The following PCID2 variants were observed in gnomAD, a reference collection of about 807,000 sequenced individuals.
PCID2 encodes PCI domain-containing protein 2.
Under a neutral mutation model 61.3 loss-of-function variants are expected in PCID2, and 41 were observed. The ratio of observed to expected loss-of-function variants is 0.67; its 90% CI spans 0.52 to 0.87. The LOEUF (loss-of-function observed/expected upper bound fraction) is 0.87, where lower values mean the gene tolerates loss of function less well. Among genes scored for constraint, PCID2 ranks in the 40% least tolerant of loss-of-function variants. The pLI, the probability that PCID2 is intolerant of heterozygous loss-of-function variation, is 0.00. For synonymous variants in PCID2, 187 were observed against 177.8 expected, an observed-to-expected ratio of 1.05 and a Z score of -0.41; for missense variants, 392 against 493.4, an observed-to-expected ratio of 0.79 and a Z score of 1.95.
intron 7 of PCID2, chr13:113,185,954 G>C (rs2038071418): frequency 6.0e-6 from 1 of 165,800 alleles, no homozygotes; most frequent in Non-Finnish European, 1.3e-5. Flanking sequence ...AGGAGGCTGA[G>C]GCAGGAGAAT....
At chr13:113,176,538 A>AATTGCCCCGG, downstream of PCID2, among the ~76,000 whole-genome samples, 4 of 50,748 alleles carry the variant, frequency 7.9e-5, no homozygotes, top group South Asian at 4.9e-4. Flanking sequence ...GAGGTGGGGG[A>AATTGCCCCGG]ATTGCTTTAG....
At chr13:113,169,156 G>A in the PCID2 span, among the ~76,000 whole-genome samples, 4 of 152,156 alleles carry the variant, frequency 2.6e-5, no homozygotes, top group African/African-American at 7.2e-5. Flanking sequence ...AAAAATCTCC[G>A]TTCTCTCCGT....
intron 9 of PCID2, among the ~76,000 whole-genome samples, chr13:113,183,073 A>G (rs1047944019): frequency 6.6e-6 from 1 of 152,208 alleles, no homozygotes; most frequent in African/African-American, 2.4e-5. Context: ...AGGAATTCCT[A>G]GCAGTAAAAT....
At chr13:113,185,727 A>G (rs2038051436) in intron 7 of PCID2, 167 bp from the exon 8 acceptor site, 1 of 489,464 alleles carries the variant, frequency 2.0e-6, no homozygotes, top group Non-Finnish European at 3.6e-6. Flanking sequence ...ACAAAATAAC[A>G]TTATGAAAAA....
chr13:113,197,098 A>G, intron 4 of PCID2, 80 bp downstream of exon 4: 1 of 1,614,232 alleles, frequency 6.2e-7, no homozygotes, highest in South Asian at 1.1e-5. Flanking sequence ...CAACTGGCCC[A>G]GTGTTTCCGG....
At chr13:113,174,500 T>A (rs1339610196), downstream of PCID2, among the ~76,000 whole-genome samples, 1 of 152,156 alleles carries the variant, frequency 6.6e-6, no homozygotes, top group African/African-American at 2.4e-5. Context: ...GATGACTGTT[T>A]TTCTTGTTTT....
the PCID2 span, chr13:113,170,669 T>C: frequency 9.1e-6 from 6 of 656,016 alleles, no homozygotes; most frequent in Admixed American, 1.2e-4. Context: ...ACTGAGATAC[T>C]TATCAACTCA....
intron 9 of PCID2, among the ~76,000 whole-genome samples, chr13:113,182,510 T>C (rs1409729670): frequency 6.6e-6 from 1 of 152,184 alleles, no homozygotes; most frequent in Admixed American, 6.5e-5. Flanking sequence ...TTTTTTCTTT[T>C]TCTTTTTTGA....
At position 113,181,245 on chromosome 13, in the gene PCID2, G is replaced by A. The variant is rs2037608570; in HGVS notation, c.686-15C>T. 6.4e-7 allele frequency: 1 copy of A among 1,560,374 alleles called. No homozygotes were observed. On this transcript the variant is annotated splice_polypyrimidine_tract_variant and intron_variant, in intron 9 of 13. Coordinates refer to ENST00000337344, the MANE Select transcript of PCID2 (RefSeq NM_001127202.4). ...GTACTCCTCAGCTGCAAAGAAGGCA[G>A]AGCCAGCACGCATGAGACCAACGCA...
chr13:113,171,416 C>T, the PCID2 span, among the ~76,000 whole-genome samples: 2 of 152,194 alleles, frequency 1.3e-5, 1 homozygote, highest in Non-Finnish European at 2.9e-5. The surrounding 1 kb of genome is among the most constrained non-coding windows in gnomAD (Gnocchi z 5.1). Context: ...ATCGTGCAAT[C>T]TGTGAGTGGC....
chr13:113,208,310 G>C (rs916184953), intron 1 of PCID2: 36 of 1,431,788 alleles, frequency 2.5e-5, no homozygotes, highest in Non-Finnish European at 3.3e-5. Flanking sequence ...ACACGTGCCA[G>C]CAAGTGAGGG....
chr13:113,203,918 G>T (rs994634015), intron 1 of PCID2, among the ~76,000 whole-genome samples: 2 of 152,230 alleles, frequency 1.3e-5, no homozygotes. Flanking sequence ...CCCCAGAGAG[G>T]ATATGCCTTC....
intron 6 of PCID2, among the ~76,000 whole-genome samples, chr13:113,191,903 C>T (rs2038649524): frequency 6.6e-6 from 1 of 152,124 alleles, no homozygotes; most frequent in African/African-American, 2.4e-5. Flanking sequence ...TCTTAAACAC[C>T]AGACACTCTG....
intron 8 of PCID2, among the ~76,000 whole-genome samples, chr13:113,184,770 CA>C (rs1415235319): frequency 6.7e-6 from 1 of 148,734 alleles, no homozygotes; most frequent in African/African-American, 2.5e-5. Flanking sequence ...GAAGCCGTTC[CA>C]GGGGGCACAG....
intron 3 of PCID2, 30 bp downstream of exon 3, chr13:113,198,157 ATGTG>A: frequency 7.4e-7 from 1 of 1,356,540 alleles, no homozygotes; most frequent in Non-Finnish European, 1.0e-6. Flanking sequence ...CAATTTCCAG[ATGTG>A]TGTGTTTTTC....
chr13:113,171,445 GCA>G, the PCID2 span: 39 of 892,594 alleles, frequency 4.4e-5, no homozygotes, highest in Middle Eastern at 2.4e-4. This position sits in a 1 kb window ranked among gnomAD's most constrained non-coding sequence, Gnocchi z 5.1. Context: ...CCGCAGAAAG[GCA>G]CAGTGTCCAC....
chr13:113,173,321 G>A (rs1286382979), downstream of PCID2, among the ~76,000 whole-genome samples: 2 of 152,196 alleles, frequency 1.3e-5, no homozygotes, highest in Non-Finnish European at 2.9e-5. Context: ...TTGGAGACTG[G>A]AGCTCCTAGC....
intron 7 of PCID2, among the ~76,000 whole-genome samples, chr13:113,189,364 C>T (rs990651965): frequency 1.3e-5 from 2 of 151,600 alleles, no homozygotes. Context: ...CTCAGGTATT[C>T]CCCTCTTTTC....
In PCID2 at chr13:113,197,217, T is replaced by TCA; in HGVS notation, c.225_226dup (p.Asp76ValfsTer4). 6.2e-7 allele frequency: 1 copy of TCA among 1,613,738 alleles called. No individual in the cohort carries two copies. On this transcript the variant is annotated frameshift_variant, in exon 4 of 14. Coordinates refer to ENST00000337344, the MANE Select transcript of PCID2 (RefSeq NM_001127202.4). LOFTEE classifies it high-confidence loss of function. ...CTGGCACTTGTATGCCTCTATGAAG[T>TCA]CATGATTCCCCACTGCATAAGTGCA...
Sources: gnomAD v4.1 joint callset for allele counts (sites outside exome capture counted in the v4.1 genomes callset) on GRCh38, gnomAD v4.1.1 for gene constraint, Gnocchi (gnomAD v3.1) non-coding constraint, MANE v1.5 for transcripts, NCBI Gene and HGNC (gene_info 2026-07-23, HGNC 2026-07-21) for gene names.